The following ZNF487 variants were observed in gnomAD, a reference collection of about 807,000 sequenced individuals.
ZNF487 encodes the protein KRAB domain only 1.
Under a neutral mutation model 3.0 loss-of-function variants are expected in ZNF487, and 4 were observed. That is an observed-to-expected ratio of 1.35 (90% confidence interval 0.66 to 3.08). ZNF487 has a LOEUF of 3.08. ZNF487 is among the 30% of genes most tolerant of loss of function. ZNF487 has a pLI of 0.01. For synonymous variants in ZNF487, 55 were observed against 34.6 expected (o/e 1.59, Z -2.06); for missense variants, 146 against 98.7 (o/e 1.48, Z -2.03).
chr10:43,456,002 A>G (rs1335121408), intron 1 of ZNF487, among the ~76,000 whole-genome samples: 2 of 152,226 alleles, frequency 1.3e-5, no homozygotes, highest in Non-Finnish European at 2.9e-5. Context: ...GCATGGTTAC[A>G]GTACTGAGCC....
At chr10:43,516,081 A>T in the ZNF487 span, among the ~76,000 whole-genome samples, 2 of 152,120 alleles carry the variant, frequency 1.3e-5, no homozygotes, top group African/African-American at 4.8e-5. Context: ...TGCCCAGCCT[A>T]GTTCATCATT....
At chr10:43,501,614 CCTGT>C in the ZNF487 span, among the ~76,000 whole-genome samples, 97,458 of 150,762 alleles carry the variant, frequency 0.65, 33,142 homozygotes, top group Non-Finnish European at 0.76. Flanking sequence ...GTGGCATGCG[CCTGT>C]AGTCCCAGCT....
At chr10:43,461,410 C>T (rs1270080585) in intron 1 of ZNF487, among the ~76,000 whole-genome samples, 1 of 152,032 alleles carries the variant, frequency 6.6e-6, no homozygotes, top group Non-Finnish European at 1.5e-5. Flanking sequence ...CCCTTGAACT[C>T]CTGGGCTCAA....
At chr10:43,449,835 A>C (rs1839944682) in intron 1 of ZNF487, among the ~76,000 whole-genome samples, 1 of 150,252 alleles carries the variant, frequency 6.7e-6, no homozygotes, top group South Asian at 2.1e-4. Flanking sequence ...ACCCACCACC[A>C]CTCCTGGCTA....
the ZNF487 span, among the ~76,000 whole-genome samples, chr10:43,517,532 C>T: frequency 6.6e-5 from 10 of 152,166 alleles, no homozygotes; most frequent in African/African-American, 2.4e-4. Context: ...CACAAATTGC[C>T]CATGAGCCCC....
chr10:43,503,431 T>G, the ZNF487 span, among the ~76,000 whole-genome samples: 5 of 152,140 alleles, frequency 3.3e-5, no homozygotes, highest in African/African-American at 1.2e-4. Context: ...AGGAAAACTA[T>G]TTTAAAAATA....
At chr10:43,457,567 A>G (rs1393269611) in intron 1 of ZNF487, among the ~76,000 whole-genome samples, 1 of 151,010 alleles carries the variant, frequency 6.6e-6, no homozygotes, top group Non-Finnish European at 1.5e-5. Context: ...GGAAAAAAAA[A>G]AAAAAAAAAG....
chr10:43,482,669 T>G lies in ZNF487; in HGVS notation c.*747T>G, dbSNP rs1365524198. On this transcript the variant is annotated 3_prime_UTR_variant, in exon 4 of 4. Transcript: ENST00000437590. ...ATACTGGCGAGAAACCCTATGAGTG[T>G]AAGGAATGTGGGAAAACTTTCTCCC... is the stretch of plus-strand genomic sequence containing the variant. 1.7e-5 allele frequency: 8 copies of G among 483,306 alleles called. No homozygotes were observed. Among genetic ancestry groups the G allele is most frequent in the Non-Finnish European group, 3.4e-5 (8 of 236,376 alleles). 29.9% of individuals were successfully genotyped at this position (483,306 alleles called of 1,614,324 possible).
the ZNF487 span, among the ~76,000 whole-genome samples, chr10:43,517,258 A>G: frequency 1.3e-5 from 2 of 152,258 alleles, no homozygotes; most frequent in African/African-American, 4.8e-5. Context: ...AGAAACAGCT[A>G]TTGACTTTCT....
chr10:43,467,709 C>T (rs369424640), intron 1 of ZNF487, among the ~76,000 whole-genome samples: 3 of 150,726 alleles, frequency 2.0e-5, no homozygotes, highest in Admixed American at 6.6e-5. Flanking sequence ...CCCAGCTACT[C>T]GGGAGGCTGG....
At chr10:43,480,714 C>T (rs1457029288) in intron 3 of ZNF487, among the ~76,000 whole-genome samples, 1 of 150,662 alleles carries the variant, frequency 6.6e-6, no homozygotes, top group Non-Finnish European at 1.5e-5. Context: ...CTGCGCCCAC[C>T]TCTCTCTCTC....
At chr10:43,503,353 A>C in the ZNF487 span, among the ~76,000 whole-genome samples, 2 of 152,242 alleles carry the variant, frequency 1.3e-5, no homozygotes, top group Non-Finnish European at 2.9e-5. Context: ...CAGCTATACA[A>C]TGATTACAAA....
intron 1 of ZNF487, among the ~76,000 whole-genome samples, chr10:43,441,034 A>ATTTTTTTT (rs763451709): frequency 0.011 from 470 of 44,548 alleles, 103 homozygotes; most frequent in East Asian, 0.048. Flanking sequence ...ACCTGGTTAA[A>ATTTTTTTT]TTTTTTTTTT....
chr10:43,497,886 G>A, the ZNF487 span, among the ~76,000 whole-genome samples: 1 of 150,134 alleles, frequency 6.7e-6, no homozygotes, highest in Non-Finnish European at 1.5e-5. Context: ...AGAATGGCGT[G>A]AACCCGGGAG....
Position 43,453,646 on chromosome 10 carries a change from A to G in ZNF487, c.-94+16384A>G, listed in dbSNP as rs903281827. On this transcript the variant is annotated intron_variant, in intron 1 of 3. Coordinates refer to ENST00000437590, the MANE Select transcript of ZNF487 (RefSeq NM_001355444.3). ...ATGTTACTGTTTCTGAGTGAGCCGA[A>G]TAACAAACTTACAGTGAGCAGTCAC... 5.3e-5 allele frequency: 8 copies of G among 152,352 alleles called. No individual in the cohort carries two copies. In the South Asian group the frequency reaches 1.4e-3, roughly 28 times the overall value. The allele number at this position is 152,352 out of a possible 1,614,324, so 9.4% of individuals were successfully genotyped here.
downstream of ZNF487, among the ~76,000 whole-genome samples, chr10:43,484,154 C>T (rs1841449566): frequency 6.6e-6 from 1 of 151,976 alleles, no homozygotes; most frequent in Admixed American, 6.6e-5. Context: ...CAGGCATGAG[C>T]CACCACACCC....
intron 3 of ZNF487, among the ~76,000 whole-genome samples, chr10:43,478,760 C>T (rs903005086): frequency 9.2e-5 from 14 of 151,592 alleles, no homozygotes; most frequent in Admixed American, 7.9e-4. Flanking sequence ...GTTTGAGAAT[C>T]ATATATGAAA....
chr10:43,479,133 A>G (rs1181650616), intron 3 of ZNF487, among the ~76,000 whole-genome samples: 1 of 150,828 alleles, frequency 6.6e-6, no homozygotes, highest in East Asian at 1.9e-4. Context: ...GTGTATATAT[A>G]TATATAAATT....
At chr10:43,489,452 C>T in the ZNF487 span, among the ~76,000 whole-genome samples, 1 of 152,150 alleles carries the variant, frequency 6.6e-6, no homozygotes, top group Non-Finnish European at 1.5e-5. Context: ...CTCCTGGGTT[C>T]AAGCAATTCT....
Sources: gnomAD v4.1 joint callset for allele counts (sites outside exome capture counted in the v4.1 genomes callset) on GRCh38, gnomAD v4.1.1 for gene constraint, MANE v1.5 for transcripts, NCBI Gene and HGNC (gene_info 2026-07-23, HGNC 2026-07-21) for gene names.